PCDH9: variants seen among roughly 807,000 people sequenced by gnomAD.
The protein encoded by PCDH9 is protocadherin 9.
In PCDH9, 24 loss-of-function variants were observed where a neutral mutation model predicts 70.6. The observed-to-expected ratio is 0.34, with a 90% CI of 0.25 to 0.48. The LOEUF (loss-of-function observed/expected upper bound fraction) is 0.48. Ranked by LOEUF, PCDH9 falls within the 20% of genes least tolerant of loss-of-function variation. The pLI is 0.99. For synonymous variants in PCDH9, 562 were observed against 558.5 expected (o/e 1.01, Z -0.09); for missense variants, 1,281 against 1,503.6 (o/e 0.85, Z 2.45).
intron 4 of PCDH9, among the ~76,000 whole-genome samples, chr13:66,436,541 CT>C (rs1337190837): frequency 6.6e-6 from 1 of 152,112 alleles, no homozygotes; most frequent in Non-Finnish European, 1.5e-5. Flanking sequence ...AACCCATTTT[CT>C]CAGCTTTGCT....
chr13:66,786,620 C>T (rs2080083817), intron 3 of PCDH9, among the ~76,000 whole-genome samples: 1 of 152,170 alleles, frequency 6.6e-6, no homozygotes, highest in Non-Finnish European at 1.5e-5. Context: ...ATTTCTATTA[C>T]TTGCAGCCAA....
Position 66,721,207 on chromosome 13 carries a change from C to T in PCDH9, c.3139-89796G>A, listed in dbSNP as rs9571637. On this transcript the variant is annotated intron_variant, in intron 3 of 4. Coordinates refer to ENST00000377865, the MANE Select transcript of PCDH9 (RefSeq NM_203487.3). Reference sequence around the variant, plus strand: ...TTGACTAATTTGGGAATAATTATAACGTGATAAGGAAAAACAATGTAATGA... The same window carrying T: ...TTGACTAATTTGGGAATAATTATAATGTGATAAGGAAAAACAATGTAATGA... Among the ~76,000 whole-genome samples the T allele has an allele frequency of 7.0e-4, 106 of 152,204 alleles. No homozygotes were observed. The East Asian group carries it at 0.018, about 25-fold the overall frequency.
At chr13:66,358,447 G>A (rs948877227) in intron 4 of PCDH9, among the ~76,000 whole-genome samples, 1 of 151,948 alleles carries the variant, frequency 6.6e-6, no homozygotes, top group South Asian at 2.1e-4. Context: ...AACTTTTAAA[G>A]CTTGCATGGT....
At position 66,574,239 on chromosome 13, in the gene PCDH9, G is replaced by A. The variant is rs147597771; in HGVS notation, c.3340+56971C>T. Among the ~76,000 whole-genome samples, 8 of 152,238 alleles carry A rather than the reference G, an allele frequency of 5.3e-5. No individual in the cohort carries two copies. The East Asian group carries it at 1.5e-3, about 29-fold the overall frequency. On this transcript the variant is annotated intron_variant, in intron 4 of 4. Coordinates refer to ENST00000377865, the MANE Select transcript of PCDH9 (RefSeq NM_203487.3). ...GAGCAACAACTATGTTTGTTCTCTG[G>A]TCAATTTATTGTAAGCTCTACATAG...
chr13:66,779,849 C>CTCTCTCTCTCTCTA (rs1395244975), intron 3 of PCDH9, among the ~76,000 whole-genome samples: 3 of 78,908 alleles, frequency 3.8e-5, no homozygotes, highest in African/African-American at 1.5e-4. Flanking sequence ...CTCTCTCTCT[C>CTCTCTCTCTCTCTA]TATATATATA....
chr13:66,445,665 A>G (rs1365281447), intron 4 of PCDH9, among the ~76,000 whole-genome samples: 1 of 144,978 alleles, frequency 6.9e-6, no homozygotes, highest in African/African-American at 2.5e-5. Flanking sequence ...ACAGATATAT[A>G]TTATGTATAC....
chr13:67,036,545 A>C (rs2085012848), intron 2 of PCDH9, among the ~76,000 whole-genome samples: 1 of 152,228 alleles, frequency 6.6e-6, no homozygotes, highest in Non-Finnish European at 1.5e-5. Context: ...ACATTCAAGG[A>C]AAGTATGAAA....
Position 67,227,620 on chromosome 13 carries a change from A to T in PCDH9, c.821T>A (p.Leu274His). 1 of 1,613,956 alleles carries T rather than the reference A, an allele frequency of 6.2e-7. No homozygotes were observed. Among genetic ancestry groups the T allele is most frequent in the Non-Finnish European group, 8.5e-7 (1 of 1,179,836 alleles). ...NAPVGTSVIQLHATDADIGSN... is the reference protein window; with the variant it reads ...NAPVGTSVIQHHATDADIGSN... ...GCCTATATCTGCATCAGTGGCATGGAGCTGAATTACAGAGGTACCTACGGG... is the reference window on the plus strand; with the variant it reads ...GCCTATATCTGCATCAGTGGCATGGTGCTGAATTACAGAGGTACCTACGGG... Residue 274 changes from leucine (L) to histidine (H), a missense_variant, in exon 2 of 5, where the codon CTC (leucine) becomes CAC (histidine). Transcript: ENST00000377865. This position sits in a 1 kb window ranked among gnomAD's most constrained non-coding sequence, Gnocchi z 4.6.
intron 4 of PCDH9, among the ~76,000 whole-genome samples, chr13:66,542,879 G>T (rs1057307455): frequency 6.7e-6 from 1 of 149,748 alleles, no homozygotes; most frequent in African/African-American, 2.4e-5. Flanking sequence ...TATCATATGA[G>T]AAATAAACAC....
At chr13:66,387,783 CA>C (rs1247238200) in intron 4 of PCDH9, among the ~76,000 whole-genome samples, 2 of 152,108 alleles carry the variant, frequency 1.3e-5, no homozygotes, top group East Asian at 3.9e-4. Context: ...AAGACACTGA[CA>C]AAAACATTTT....
chr13:66,810,063 T>C (rs997697482), intron 3 of PCDH9, among the ~76,000 whole-genome samples: 1 of 152,116 alleles, frequency 6.6e-6, no homozygotes, highest in Non-Finnish European at 1.5e-5. Flanking sequence ...AAAATGACTG[T>C]ATGTTTGTGG....
At chr13:66,400,413 A>G (rs1397923682) in intron 4 of PCDH9, among the ~76,000 whole-genome samples, 3 of 152,252 alleles carry the variant, frequency 2.0e-5, no homozygotes, top group Non-Finnish European at 4.4e-5. Context: ...AGTATGTCAT[A>G]TCTCTATAAT....
At chr13:66,485,028 A>G (rs1007595949) in intron 4 of PCDH9, among the ~76,000 whole-genome samples, 3 of 152,218 alleles carry the variant, frequency 2.0e-5, no homozygotes, top group African/African-American at 7.2e-5. Flanking sequence ...CACAAAATCA[A>G]TTTTAAAACA....
At chr13:66,796,230 G>C (rs912193869) in intron 3 of PCDH9, among the ~76,000 whole-genome samples, 1 of 152,086 alleles carries the variant, frequency 6.6e-6, no homozygotes, top group Non-Finnish European at 1.5e-5. Context: ...TGTGAAGAAA[G>C]CTTATTTATT....
intron 2 of PCDH9, among the ~76,000 whole-genome samples, chr13:67,153,607 C>T (rs993489519): frequency 2.0e-5 from 3 of 152,146 alleles, no homozygotes; most frequent in Non-Finnish European, 4.4e-5. Context: ...GTCGTTTTCA[C>T]CTTTGTATTG....
At chr13:66,613,380 C>T (rs932870173) in intron 4 of PCDH9, among the ~76,000 whole-genome samples, 5 of 152,186 alleles carry the variant, frequency 3.3e-5, no homozygotes, top group African/African-American at 9.6e-5. Flanking sequence ...GCCTCTTCTC[C>T]ACCCAGTCAG....
At chr13:66,887,612 C>T (rs567757284) in intron 3 of PCDH9, among the ~76,000 whole-genome samples, 30 of 152,268 alleles carry the variant, frequency 2.0e-4, no homozygotes, top group African/African-American at 6.5e-4. Context: ...TGCTGCTATA[C>T]GTAAGCACTA....
chr13:66,673,259 A>G (rs941206609), intron 3 of PCDH9, among the ~76,000 whole-genome samples: 3 of 152,150 alleles, frequency 2.0e-5, no homozygotes, highest in African/African-American at 2.4e-5. Flanking sequence ...ATGATTTTAT[A>G]AAGGGCAGTT....
At chr13:67,173,441 C>T (rs970155784) in intron 2 of PCDH9, among the ~76,000 whole-genome samples, 1 of 152,088 alleles carries the variant, frequency 6.6e-6, no homozygotes, top group East Asian at 1.9e-4. Context: ...TATTTTCCAA[C>T]TACAACCCTG....
Sources: allele counts gnomAD v4.1 joint callset (sites outside exome capture counted in the v4.1 genomes callset), GRCh38; gene constraint gnomAD v4.1.1; non-coding constraint Gnocchi (gnomAD v3.1); transcripts MANE v1.5; gene names NCBI Gene and HGNC (gene_info 2026-07-23, HGNC 2026-07-21).